The following DLGAP2 variants were observed in gnomAD, a reference collection of about 807,000 sequenced individuals.
DLGAP2 encodes DLG associated protein 2.
DLGAP2 carries 26 observed loss-of-function variants against 100.3 expected under a neutral mutation model. The observed-to-expected ratio is 0.26, with a 90% confidence interval of 0.19 to 0.36. DLGAP2 has a LOEUF of 0.36. Ranked by LOEUF, DLGAP2 falls within the 10% of genes least tolerant of loss-of-function variation. The probability of loss-of-function intolerance (pLI) is 1.00; values close to 1 mark genes in which losing one functional copy is unlikely to be tolerated. For missense variants in DLGAP2, 1,858 were observed against 1,453.2 expected, an observed-to-expected ratio of 1.28 and a Z score of -4.53; for synonymous variants, 886 against 630.1, an observed-to-expected ratio of 1.41 and a Z score of -6.08.
At chr8:1,061,891 C>T (rs936673094) in intron 2 of DLGAP2, among the ~76,000 whole-genome samples, 5 of 152,156 alleles carry the variant, frequency 3.3e-5, no homozygotes, top group African/African-American at 1.2e-4. Flanking sequence ...GAGCACCCTG[C>T]CCACTCACTC....
chr8:1,216,293 C>T (rs992181089), intron 2 of DLGAP2, among the ~76,000 whole-genome samples: 1 of 152,102 alleles, frequency 6.6e-6, no homozygotes. Context: ...CAACTTCATA[C>T]AGGGGCTCTG....
chr8:1,529,834 G>C (rs1433115239), intron 4 of DLGAP2, among the ~76,000 whole-genome samples: 1 of 152,166 alleles, frequency 6.6e-6, no homozygotes, highest in South Asian at 2.1e-4. Context: ...CTGGGCATCC[G>C]GGGAGACATC....
At chr8:1,410,587 C>T (rs1015028951) in intron 3 of DLGAP2, among the ~76,000 whole-genome samples, 1 of 152,206 alleles carries the variant, frequency 6.6e-6, no homozygotes, top group African/African-American at 2.4e-5. Context: ...GCTCCCTTCT[C>T]AGAATGAAAT....
intron 2 of DLGAP2, among the ~76,000 whole-genome samples, chr8:1,152,247 A>C (rs1796709666): frequency 6.6e-6 from 1 of 152,194 alleles, no homozygotes; most frequent in African/African-American, 2.4e-5. Flanking sequence ...ATACTTTGTG[A>C]CTTTTAGAAA....
intron 3 of DLGAP2, among the ~76,000 whole-genome samples, chr8:1,340,781 CAT>C (rs1244926935): frequency 6.6e-6 from 1 of 152,308 alleles, no homozygotes; most frequent in Admixed American, 6.5e-5. Flanking sequence ...CACACATGCA[CAT>C]GTGTGTTCAC....
In DLGAP2 at chr8:1,542,717, T is replaced by C. The variant is rs1407424860; in HGVS notation, c.173-5909T>C. Among the ~76,000 whole-genome samples the C allele has an allele frequency of 1.3e-5, 2 of 152,216 alleles. 1 individual carries two copies. The highest frequency in any genetic ancestry group is 2.9e-5 in the Non-Finnish European group (2 of 68,030). The stretch of plus-strand genomic sequence containing the variant: ...CTGTAAGCATTCTTACACAGGCTTT[T>C]GCCTGGATGTGTTTTCATTTCTCTT... On this transcript the variant is annotated intron_variant, in intron 4 of 14. Coordinates refer to ENST00000637795, the MANE Select transcript of DLGAP2 (RefSeq NM_001346810.2).
intron 3 of DLGAP2, among the ~76,000 whole-genome samples, chr8:1,496,307 G>A (rs141207223): frequency 1.3e-5 from 2 of 152,042 alleles, no homozygotes; most frequent in Non-Finnish European, 2.9e-5. Context: ...GGGCCTCGTG[G>A]GGGCGCCGAG....
chr8:1,245,363 G>A (rs779907815), intron 2 of DLGAP2, among the ~76,000 whole-genome samples: 1 of 152,194 alleles, frequency 6.6e-6, no homozygotes, highest in South Asian at 2.1e-4. Context: ...GAAACGGAGG[G>A]GTGGATAAAT....
At chr8:1,199,811 G>T (rs572232529) in intron 2 of DLGAP2, among the ~76,000 whole-genome samples, 12 of 150,590 alleles carry the variant, frequency 8.0e-5, no homozygotes, top group Non-Finnish European at 1.6e-4. Flanking sequence ...ATTATTTTCA[G>T]ATCAGTGAAG....
rs565826147 is a variant in DLGAP2 at position 1,552,799 on chromosome 8, G to C, written c.1230+3116G>C. Among the ~76,000 whole-genome samples, 23 of 152,352 alleles carry C rather than the reference G, an allele frequency of 1.5e-4. No individual in the cohort carries two copies. In the South Asian group the frequency reaches 4.8e-3, roughly 32 times the overall value. ...TTCATTTTCACCCTTGGTTTGTACA[G>C]AGTATGTGGTTCACATTAGAGGAAG... On this transcript the variant is annotated intron_variant, in intron 5 of 14. Coordinates refer to ENST00000637795, the MANE Select transcript of DLGAP2 (RefSeq NM_001346810.2).
In DLGAP2 at chr8:1,343,947, G is replaced by A. The variant is rs998110809; in HGVS notation, c.106+85064G>A. Among the ~76,000 whole-genome samples, 11 of 152,344 alleles carry A rather than the reference G, an allele frequency of 7.2e-5. No homozygotes were observed. The South Asian group carries it at 1.0e-3, about 14-fold the overall frequency. The stretch of plus-strand genomic sequence containing the variant: ...TATATCAGGGCTTTCCCTCCTGGCC[G>A]AGGGCAGGTGTACAGAGAAACATGG... On this transcript the variant is annotated intron_variant, in intron 3 of 14. Transcript: ENST00000637795.
At chr8:859,494 C>A (rs775778770) in intron 1 of DLGAP2, among the ~76,000 whole-genome samples, 1 of 152,060 alleles carries the variant, frequency 6.6e-6, no homozygotes. Flanking sequence ...GTTAGCGGCA[C>A]GTGTGAGCTG....
intron 1 of DLGAP2, among the ~76,000 whole-genome samples, chr8:862,265 G>A (rs887157416): frequency 5.3e-5 from 8 of 151,602 alleles, no homozygotes; most frequent in Non-Finnish European, 7.4e-5. Flanking sequence ...GTGTCTTGGA[G>A]CGAGTCCTGG....
chr8:1,446,209 G>T lies in DLGAP2; in HGVS notation c.107-55157G>T, dbSNP rs1300503615. Among the ~76,000 whole-genome samples, 32 of 152,034 alleles carry T rather than the reference G, an allele frequency of 2.1e-4. 1 individual carries two copies. Among genetic ancestry groups the T allele is most frequent in the Admixed American group, 6.5e-5 (1 of 15,274 alleles). On this transcript the variant is annotated intron_variant, in intron 3 of 14. Coordinates refer to ENST00000637795, the MANE Select transcript of DLGAP2 (RefSeq NM_001346810.2). ...GGTATTGCCTAGGTTTTCTTCTAGG[G>T]TTTTTATGGTTTTAGGTCTAACATG...
At chr8:1,126,750 G>A (rs1015986028) in intron 2 of DLGAP2, among the ~76,000 whole-genome samples, 1 of 152,140 alleles carries the variant, frequency 6.6e-6, no homozygotes, top group Non-Finnish European at 1.5e-5. Flanking sequence ...TCTCTGGAAG[G>A]AAAGATGTGC....
At chr8:1,090,661 T>C (rs1197535148) in intron 2 of DLGAP2, among the ~76,000 whole-genome samples, 1 of 152,244 alleles carries the variant, frequency 6.6e-6, no homozygotes, top group East Asian at 1.9e-4. Flanking sequence ...CAGAGGCTGC[T>C]GTGCAGGTGG....
At chr8:1,582,847 C>G (rs1795987861) in intron 6 of DLGAP2, among the ~76,000 whole-genome samples, 1 of 152,254 alleles carries the variant, frequency 6.6e-6, no homozygotes, top group South Asian at 2.1e-4. Context: ...GCCCACCCTC[C>G]TCGGCTTCCT....
At chr8:1,485,555 G>A (rs183695548) in intron 3 of DLGAP2, among the ~76,000 whole-genome samples, 35 of 152,324 alleles carry the variant, frequency 2.3e-4, no homozygotes, top group African/African-American at 5.8e-4. Context: ...CCCACGTTGC[G>A]TCCATGTGAA....
intron 2 of DLGAP2, among the ~76,000 whole-genome samples, chr8:999,531 T>A (rs1293430351): frequency 6.7e-6 from 1 of 150,154 alleles, no homozygotes; most frequent in Non-Finnish European, 1.5e-5. Flanking sequence ...CAGGCTGGAG[T>A]GCAGTGGTGC....
Sources: allele counts gnomAD v4.1 joint callset (sites outside exome capture counted in the v4.1 genomes callset), GRCh38; gene constraint gnomAD v4.1.1; transcripts MANE v1.5; gene names NCBI Gene and HGNC (gene_info 2026-07-23, HGNC 2026-07-21).